Variants in MELTF observed in about 807,000 individuals in gnomAD.
The protein encoded by MELTF is melanotransferrin.
Under a neutral mutation model 83.7 loss-of-function variants are expected in MELTF, and 67 were observed. The observed-to-expected ratio is 0.80, with a 90% CI of 0.66 to 0.98. The LOEUF is 0.98. MELTF is among the 50% of genes least tolerant of loss of function. The pLI, the probability that MELTF is intolerant of heterozygous loss-of-function variation, is 0.00. For synonymous variants in MELTF, 462 were observed against 447.6 expected (o/e 1.03, Z -0.41); for missense variants, 1,002 against 1,035.6 (o/e 0.97, Z 0.44).
At chr3:197,020,042 T>C (rs1371679631) in intron 6 of MELTF, among the ~76,000 whole-genome samples, 1 of 152,154 alleles carries the variant, frequency 6.6e-6, no homozygotes, top group Admixed American at 6.5e-5. Context: ...GCAAAACTCA[T>C]AGAACTATCC....
At chr3:197,015,320 C>T in intron 9 of MELTF, 45 bp downstream of exon 9, 1 of 1,527,960 alleles carries the variant, frequency 6.5e-7, no homozygotes, top group Non-Finnish European at 8.8e-7. Context: ...CAGGCACTGC[C>T]ACCACCCGCC....
In MELTF at chr3:197,016,331, G is replaced by T. The variant is rs1719372437; in HGVS notation, c.939C>A (p.Phe313Leu). 1.9e-6 allele frequency: 3 copies of T among 1,607,074 alleles called. No individual in the cohort carries two copies. The highest frequency in any genetic ancestry group is 2.5e-6 in the Non-Finnish European group (3 of 1,176,578). Reference sequence around the variant, plus strand: ...CCTTCTGGCCATAGGCCTCAGAGCTGAACATCTGGAAGCTGCTGCCCTCGT... The same window carrying T: ...CCTTCTGGCCATAGGCCTCAGAGCTTAACATCTGGAAGCTGCTGCCCTCGT... ...FSHEGSSFQM[F>L]SSEAYGQKDL... The change falls in exon 8 of 16, where the codon TTC becomes TTA. Residue 313 changes from phenylalanine (F) to leucine (L), a missense_variant. Physicochemically the swap from Phe to Leu is conservative, Grantham distance 22. Coordinates refer to ENST00000296350, the MANE Select transcript of MELTF (RefSeq NM_005929.6).
chr3:197,003,896 C>T lies in MELTF; in HGVS notation c.2137+5G>A. 2 of 1,612,958 alleles carry T rather than the reference C, an allele frequency of 1.2e-6. No individual in the cohort carries two copies. The highest frequency in any genetic ancestry group is 1.7e-6 in the Non-Finnish European group (2 of 1,179,770). ...AGGGGAGGCGGCAGGGCGGGCCTGT[C>T]CTACCTGCGCCCGAGCACTGCTGAG... On this transcript the variant is annotated splice_donor_5th_base_variant and intron_variant, in intron 15 of 15. Transcript: ENST00000296350. This position sits in a 1 kb window ranked among gnomAD's most constrained non-coding sequence, Gnocchi z 6.2.
At chr3:197,015,245 G>T (rs2148583851) in intron 9 of MELTF, 120 bp downstream of exon 9, 1 of 1,226,574 alleles carries the variant, frequency 8.2e-7, no homozygotes, top group Non-Finnish European at 1.1e-6. Flanking sequence ...CGTCTCTGTG[G>T]GCTTGTTGCA....
rs1719197390 is a variant in MELTF at position 197,011,815 on chromosome 3, C to T, written c.1234-1021G>A. Among the ~76,000 whole-genome samples the T allele has an allele frequency of 6.6e-6, 1 of 152,168 alleles. No individual in the cohort carries two copies. The highest frequency in any genetic ancestry group is 6.5e-5 in the Admixed American group (1 of 15,286). On this transcript the variant is annotated intron_variant, in intron 9 of 15. Transcript: ENST00000296350. The surrounding 1 kb of genome is among the most constrained non-coding windows in gnomAD (Gnocchi z 4.2). ...AACCTCAGAAGCTAGAACTGAGGGT[C>T]TTTGAGCCCTTTGCTGGGGTTCTGA...
At position 197,027,944 on chromosome 3, in the gene MELTF, C is replaced by G. The variant is rs371983401; in HGVS notation, c.50-34G>C. ...AGGGGACCGTGAGGCCCGGCTCCCC[C>G]GCCCTGCCCAGCCCCGGCCCACCAT... On this transcript the variant is annotated intron_variant, in intron 1 of 15. Transcript: ENST00000296350. 828 of 1,537,564 alleles carry G rather than the reference C, an allele frequency of 5.4e-4. 4 individuals are homozygous for G. The highest frequency in any genetic ancestry group is 2.3e-3 in the South Asian group (194 of 85,534).
At position 197,003,892 on chromosome 3, in the gene MELTF, C is replaced by G. The variant is rs574937919; in HGVS notation, c.2137+9G>C. ...CACCAGGGGAGGCGGCAGGGCGGGC[C>G]TGTCCTACCTGCGCCCGAGCACTGC... On this transcript the variant is annotated intron_variant, in intron 15 of 15. Transcript: ENST00000296350. The surrounding 1 kb of genome is among the most constrained non-coding windows in gnomAD (Gnocchi z 6.2). 5.5e-5 allele frequency: 88 copies of G among 1,612,374 alleles called. 1 individual carries two copies. In the South Asian group the frequency reaches 9.0e-4, roughly 17 times the overall value.
rs1560210663 is a variant in MELTF, at chr3:197,007,007, T to C, written c.1751-271A>G. On this transcript the variant is annotated intron_variant, in intron 13 of 15. Transcript: ENST00000296350. The surrounding 1 kb of genome is among the most constrained non-coding windows in gnomAD (Gnocchi z 4.3). The stretch of plus-strand genomic sequence containing the variant: ...CAAGTACTTTACACGCGTTGCTTGA[T>C]CCCCACAACAGTAACGCAGGGTAGG... 6.6e-6 allele frequency among the ~76,000 whole-genome samples: 1 copy of C among 152,092 alleles called. No individual in the cohort carries two copies. Among genetic ancestry groups the C allele is most frequent in the Admixed American group, 6.5e-5 (1 of 15,270 alleles).
Position 197,024,077 on chromosome 3 carries a change from A to G in MELTF, c.487+226T>C, listed in dbSNP as rs1408352392. On this transcript the variant is annotated intron_variant, in intron 4 of 15. Coordinates refer to ENST00000296350, the MANE Select transcript of MELTF (RefSeq NM_005929.6). This position sits in a 1 kb window ranked among gnomAD's most constrained non-coding sequence, Gnocchi z 5.3. The stretch of plus-strand genomic sequence containing the variant: ...GCCATGTGGGACACCACGATGCGTG[A>G]GCAAGAATCGCGCCCCACAGGGTCC... Among the ~76,000 whole-genome samples, 3 of 151,036 alleles carry G rather than the reference A, an allele frequency of 2.0e-5. No individual in the cohort carries two copies. Among genetic ancestry groups the G allele is most frequent in the Non-Finnish European group, 4.4e-5 (3 of 67,756 alleles).
At chr3:197,015,007 A>C (rs982637755) in intron 9 of MELTF, among the ~76,000 whole-genome samples, 3 of 152,240 alleles carry the variant, frequency 2.0e-5, no homozygotes. Flanking sequence ...GCTGAGATTC[A>C]GAAAGGGGAA....
intron 6 of MELTF, among the ~76,000 whole-genome samples, chr3:197,018,042 C>G (rs760837185): frequency 9.2e-5 from 14 of 152,202 alleles, no homozygotes; most frequent in Non-Finnish European, 1.9e-4. Context: ...TCTACCCACC[C>G]CAGGACTAGA....
chr3:197,021,311 G>A (rs1248951560), intron 6 of MELTF, 93 bp downstream of exon 6: 24 of 1,235,352 alleles, frequency 1.9e-5, no homozygotes, highest in African/African-American at 1.5e-4. Context: ...GCACTAGGGC[G>A]TTTGATCCCA....
chr3:197,021,702 G>C (rs1639726728), intron 5 of MELTF, among the ~76,000 whole-genome samples: 2 of 152,210 alleles, frequency 1.3e-5, no homozygotes, highest in African/African-American at 2.4e-5. Flanking sequence ...AGCTCCCACA[G>C]GGCTGCTCTG....
chr3:197,013,387 G>A (rs1719252777), intron 9 of MELTF, among the ~76,000 whole-genome samples: 1 of 152,166 alleles, frequency 6.6e-6, no homozygotes, highest in African/African-American at 2.4e-5. Context: ...TGGATGAGAG[G>A]CCTAAATGCA....
Position 197,024,158 on chromosome 3 carries a change from A to C in MELTF, c.487+145T>G. 5.0e-6 allele frequency: 4 copies of C among 796,638 alleles called. No homozygotes were observed. Among genetic ancestry groups the C allele is most frequent in the Non-Finnish European group, 7.4e-6 (4 of 537,390 alleles). 49.3% of individuals were successfully genotyped at this position (796,638 alleles called of 1,614,324 possible). On this transcript the variant is annotated intron_variant, in intron 4 of 15. Coordinates refer to ENST00000296350, the MANE Select transcript of MELTF (RefSeq NM_005929.6). The surrounding 1 kb of genome is among the most constrained non-coding windows in gnomAD (Gnocchi z 5.3). ...GCGGCAGAGTGGAGGCGGGGGAGGC[A>C]CGGGGCGGGCGGGGGCTGCTGCGCC... is the stretch of plus-strand genomic sequence containing the variant.
In MELTF at chr3:197,027,779, C is replaced by T. The variant is rs144490630; in HGVS notation, c.181G>A (p.Asp61Asn). The T allele has an allele frequency of 2.0e-5, 32 of 1,610,608 alleles. No homozygotes were observed. Among genetic ancestry groups the T allele is most frequent in the African/African-American group, 1.9e-4 (14 of 75,002 alleles). The change falls in exon 2 of 16, where the codon GAC becomes AAC. Residue 61 changes from aspartate (D) to asparagine (N), a missense_variant. Physicochemically the swap from Asp to Asn is conservative, Grantham distance 23 (BLOSUM62 1). Coordinates refer to ENST00000296350, the MANE Select transcript of MELTF (RefSeq NM_005929.6). ...ACCGCGATGAGCTGGACGCAGTGGT[C>T]GGCGGAGGTGCCCCGGACGCAGAGG... ...SLLCVRGTSA[D>N]HCVQLIAAQE...
At chr3:197,019,188 C>T (rs56162443) in intron 6 of MELTF, 23,313 of 1,002,160 alleles carry the variant, frequency 0.023, 313 homozygotes, top group Non-Finnish European at 0.026. Flanking sequence ...GTCCTACCCC[C>T]GCTTCCCAAC....
At position 197,024,223 on chromosome 3, in the gene MELTF, TACCCAGTGAAGGGAC is replaced by T; in HGVS notation, c.487+65_487+79del. The T allele has an allele frequency of 7.0e-7, 1 of 1,425,458 alleles. No individual in the cohort carries two copies. The highest frequency in any genetic ancestry group is 1.4e-5 in the South Asian group (1 of 73,358). 88.3% of individuals were successfully genotyped at this position (1,425,458 alleles called of 1,614,324 possible). A position where few individuals can be genotyped will look rare whatever the true frequency, so the allele number is the denominator to read the frequency against. On this transcript the variant is annotated intron_variant, in intron 4 of 15. Transcript: ENST00000296350. The surrounding 1 kb of genome is among the most constrained non-coding windows in gnomAD (Gnocchi z 5.3). Reference sequence around the variant, plus strand: ...AATGGTGGCGAGGCCGGAGGGAGGCTACCCAGTGAAGGGACGAGCATGGGCCAAGGAAAGGAGGGG... The same window carrying T: ...AATGGTGGCGAGGCCGGAGGGAGGCTGAGCATGGGCCAAGGAAAGGAGGGG...
chr3:197,016,961 C>T (rs1719400688), intron 7 of MELTF, 142 bp downstream of exon 7: 7 of 951,864 alleles, frequency 7.4e-6, no homozygotes, highest in Middle Eastern at 3.3e-4. Context: ...GTCGGTTCCT[C>T]ACTCTGACCT....
Sources: gnomAD v4.1 joint callset for allele counts (sites outside exome capture counted in the v4.1 genomes callset) on GRCh38, gnomAD v4.1.1 for gene constraint, Gnocchi (gnomAD v3.1) non-coding constraint, MANE v1.5 for transcripts, NCBI Gene and HGNC (gene_info 2026-07-23, HGNC 2026-07-21) for gene names.